Variants in RBMS3 observed in about 807,000 individuals in gnomAD.
The protein encoded by RBMS3 is RNA-binding motif, single-stranded-interacting protein 3.
A neutral mutation model predicts 66.8 loss-of-function variants in RBMS3; 27 were observed. The observed-to-expected ratio is 0.40, with a 90% CI of 0.30 to 0.56. The LOEUF (loss-of-function observed/expected upper bound fraction) is 0.56. Ranked by LOEUF, RBMS3 falls within the 20% of genes least tolerant of loss-of-function variation. RBMS3 has a pLI of 0.40. For synonymous variants in RBMS3, 188 were observed against 183.0 expected (o/e 1.03, Z -0.22); for missense variants, 513 against 549.5 (o/e 0.93, Z 0.66).
chr3:29,618,077 G>T (rs1208960262), intron 4 of RBMS3, among the ~76,000 whole-genome samples: 1 of 152,160 alleles, frequency 6.6e-6, no homozygotes, highest in Non-Finnish European at 1.5e-5. Flanking sequence ...AAAATACACT[G>T]GTTGCTTGTT....
intron 3 of RBMS3, among the ~76,000 whole-genome samples, chr3:29,568,707 C>T (rs1325270226): frequency 2.0e-5 from 3 of 152,150 alleles, no homozygotes; most frequent in Non-Finnish European, 4.4e-5. Context: ...CTTTCAACTA[C>T]AACAGTTTTC....
chr3:29,835,781 A>G (rs886932349), intron 6 of RBMS3, among the ~76,000 whole-genome samples: 13 of 151,928 alleles, frequency 8.6e-5, no homozygotes, highest in Non-Finnish European at 2.9e-5. Flanking sequence ...AGATCAAGGA[A>G]GAAATAAAAT....
intron 7 of RBMS3, among the ~76,000 whole-genome samples, chr3:29,874,669 A>G (rs1419199426): frequency 6.6e-6 from 1 of 152,138 alleles, no homozygotes; most frequent in Non-Finnish European, 1.5e-5. Context: ...GGTTGTATTT[A>G]TTTTATGTGC....
chr3:29,347,175 A>G (rs1160970750), intron 1 of RBMS3, among the ~76,000 whole-genome samples: 2 of 152,182 alleles, frequency 1.3e-5, no homozygotes, highest in Non-Finnish European at 2.9e-5. Flanking sequence ...CATCATGCCA[A>G]TTCCTGTCAT....
At chr3:29,474,071 G>A (rs1162003806) in intron 2 of RBMS3, among the ~76,000 whole-genome samples, 2 of 152,242 alleles carry the variant, frequency 1.3e-5, no homozygotes, top group African/African-American at 4.8e-5. Context: ...CTCTCACTAG[G>A]ATTACAGGCA....
intron 3 of RBMS3, among the ~76,000 whole-genome samples, chr3:29,575,680 C>T (rs749701034): frequency 6.6e-6 from 1 of 152,016 alleles, no homozygotes; most frequent in Non-Finnish European, 1.5e-5. Context: ...TGTCAGCATG[C>T]TTCATTGCTT....
intron 10 of RBMS3, among the ~76,000 whole-genome samples, chr3:29,930,109 C>CTGTTTTT (rs2061071674): frequency 2.3e-5 from 1 of 43,556 alleles, no homozygotes; most frequent in African/African-American, 6.3e-5. Flanking sequence ...TTCTTTCTTT[C>CTGTTTTT]TTTTTTTTTT....
intron 1 of RBMS3, among the ~76,000 whole-genome samples, chr3:29,369,486 TAACACA>T (rs1186001835): frequency 1.5e-4 from 11 of 72,354 alleles, no homozygotes; most frequent in African/African-American, 6.3e-4. Flanking sequence ...CATCACTCCT[TAACACA>T]CACACACACA....
intron 3 of RBMS3, among the ~76,000 whole-genome samples, chr3:29,498,913 T>C (rs2043861806): frequency 6.6e-6 from 1 of 152,156 alleles, no homozygotes; most frequent in Non-Finnish European, 1.5e-5. Flanking sequence ...GCTTCGTTAA[T>C]AGCAAAAAGT....
At chr3:29,473,839 T>G (rs1274621875) in intron 2 of RBMS3, among the ~76,000 whole-genome samples, 1 of 152,220 alleles carries the variant, frequency 6.6e-6, no homozygotes, top group Non-Finnish European at 1.5e-5. Flanking sequence ...AGTCCAGCTG[T>G]CCCGCAAGCG....
At chr3:29,808,831 C>T (rs2057638769) in intron 6 of RBMS3, among the ~76,000 whole-genome samples, 1 of 151,702 alleles carries the variant, frequency 6.6e-6, no homozygotes, top group Non-Finnish European at 1.5e-5. Flanking sequence ...CCATTGGATA[C>T]CATGGCTTGA....
At chr3:29,707,176 T>C (rs2052938601) in intron 4 of RBMS3, among the ~76,000 whole-genome samples, 1 of 152,240 alleles carries the variant, frequency 6.6e-6, no homozygotes, top group Non-Finnish European at 1.5e-5. Context: ...TTTATATTCA[T>C]ATTTCTGTCC....
In RBMS3 at chr3:29,960,665, C is replaced by G. The variant is rs142320824; in HGVS notation, c.1098+16411C>G. Among the ~76,000 whole-genome samples the G allele has an allele frequency of 8.2e-4, 125 of 152,278 alleles. 3 individuals are homozygous for G. The East Asian group carries it at 0.023, about 29-fold the overall frequency. ...GATTTTTCCATACATCCTCTGAAAT[C>G]TAGGCAGAGATTCTCAAACCTCAAT... On this transcript the variant is annotated intron_variant, in intron 12 of 14. Transcript: ENST00000383767.
At chr3:29,880,038 T>A (rs2059700184) in intron 7 of RBMS3, among the ~76,000 whole-genome samples, 1 of 152,204 alleles carries the variant, frequency 6.6e-6, no homozygotes, top group South Asian at 2.1e-4. Flanking sequence ...TTTGTCTCAA[T>A]GAATTTATTA....
intron 1 of RBMS3, among the ~76,000 whole-genome samples, chr3:29,317,823 C>T (rs536038805): frequency 6.6e-6 from 1 of 151,880 alleles, no homozygotes; most frequent in Non-Finnish European, 1.5e-5. Context: ...TACAAGACTA[C>T]ACTCGTTTCA....
At chr3:29,340,569 A>G (rs1252356271) in intron 1 of RBMS3, among the ~76,000 whole-genome samples, 1 of 152,158 alleles carries the variant, frequency 6.6e-6, no homozygotes, top group Non-Finnish European at 1.5e-5. Context: ...CCAAGTTTGT[A>G]CTAGAGAGAT....
chr3:29,585,172 C>G (rs537400759), intron 3 of RBMS3, among the ~76,000 whole-genome samples: 1 of 152,114 alleles, frequency 6.6e-6, no homozygotes, highest in East Asian at 1.9e-4. Context: ...ATAAATAAGC[C>G]GATGAACGGA....
chr3:29,794,768 G>A lies in RBMS3; in HGVS notation c.637+31779G>A, dbSNP rs75942563. Among the ~76,000 whole-genome samples the A allele has an allele frequency of 9.1e-3, 1,388 of 152,272 alleles. 17 individuals are homozygous for A. The highest frequency in any genetic ancestry group is 0.032 in the African/African-American group (1,333 of 41,530). On this transcript the variant is annotated intron_variant, in intron 6 of 14. Transcript: ENST00000383767. ...CTGCCTTGAATCCTCAAGTTTAGGA[G>A]ATTCATTTTGTGAATGTACACATGG...
At chr3:29,875,977 C>A (rs3773114) in intron 7 of RBMS3, among the ~76,000 whole-genome samples, 3 of 152,106 alleles carry the variant, frequency 2.0e-5, no homozygotes, top group East Asian at 3.9e-4. Flanking sequence ...TATTAAGACC[C>A]CTTTGATGTT....
Sources: allele counts gnomAD v4.1 joint callset (sites outside exome capture counted in the v4.1 genomes callset), GRCh38; gene constraint gnomAD v4.1.1; transcripts MANE v1.5; gene names NCBI Gene and HGNC (gene_info 2026-07-23, HGNC 2026-07-21).